Variants in SMIM27 observed in about 807,000 individuals in gnomAD.
SMIM27 encodes the protein transition zone microprotein 1.
A neutral mutation model predicts 1.8 loss-of-function variants in SMIM27; 3 were observed. The ratio of observed to expected loss-of-function variants is 1.65; its 90% CI spans 0.75 to 4.28. The LOEUF (loss-of-function observed/expected upper bound fraction) is 4.28. Among genes scored for constraint, SMIM27 ranks in the 30% most tolerant of loss-of-function variants. SMIM27 has a pLI of 0.02. For synonymous variants in SMIM27, 19 were observed against 13.9 expected (o/e 1.37, Z -0.82); for missense variants, 63 against 37.0 (o/e 1.70, Z -1.83).
Position 32,558,254 on chromosome 9 carries a change from G to A in SMIM27, c.45+5775G>A, listed in dbSNP as rs562766040. Among the ~76,000 whole-genome samples, 3 of 152,052 alleles carry A rather than the reference G, an allele frequency of 2.0e-5. No individual in the cohort carries two copies. The South Asian group carries it at 6.3e-4, about 32-fold the overall frequency. On this transcript the variant is annotated intron_variant, in intron 1 of 1. Coordinates refer to the SMIM27 transcript ENST00000451672. ...AGCCTCTCGAGTAGCTGGGACTACA[G>A]GCGCCCGCCACCACGCCCAGCTAAT...
chr9:32,561,468 C>G (rs1428999241), intron 1 of SMIM27, among the ~76,000 whole-genome samples: 1 of 152,052 alleles, frequency 6.6e-6, no homozygotes, highest in Non-Finnish European at 1.5e-5. Context: ...GCTGGGATTA[C>G]AGGCACATGC....
downstream of SMIM27, among the ~76,000 whole-genome samples, chr9:32,554,265 T>C (rs10971022): frequency 0.2 from 29,813 of 152,098 alleles, 3,212 homozygotes; most frequent in Non-Finnish European, 0.25. Context: ...CAGAAAGAAG[T>C]TGCAAGGAAA....
intron 1 of SMIM27, among the ~76,000 whole-genome samples, chr9:32,559,242 C>A (rs560108197): frequency 1.3e-4 from 20 of 152,286 alleles, no homozygotes; most frequent in Admixed American, 1.2e-3. Context: ...GAAACCTTGA[C>A]TCCTCAGCAG....
At chr9:32,564,830 T>C (rs1822129306) in intron 1 of SMIM27, among the ~76,000 whole-genome samples, 2 of 152,254 alleles carry the variant, frequency 1.3e-5, no homozygotes, top group South Asian at 4.1e-4. Context: ...TCATAAAAGC[T>C]TGAAACTACA....
chr9:32,551,308 G>A (rs575028262), upstream of SMIM27: 5 of 471,072 alleles, frequency 1.1e-5, no homozygotes, highest in African/African-American at 5.9e-5. Context: ...GGAAACTTAG[G>A]AAATTATCTT....
At chr9:32,552,210 C>T (rs1821292506), upstream of SMIM27, 7 of 521,926 alleles carry the variant, frequency 1.3e-5, no homozygotes, top group Non-Finnish European at 2.4e-5. Flanking sequence ...TTAACATTTT[C>T]TCGTTTATTC....
upstream of SMIM27, chr9:32,551,644 C>A: frequency 3.7e-6 from 1 of 270,030 alleles, no homozygotes; most frequent in Non-Finnish European, 8.0e-6. Context: ...CCAGATTCTA[C>A]TCCTCAGGCC....
In SMIM27 at chr9:32,566,322, T is replaced by C; in HGVS notation, c.46-69T>C. 5 of 1,174,372 alleles carry C rather than the reference T, an allele frequency of 4.3e-6. No individual in the cohort carries two copies. In the South Asian group the frequency reaches 4.9e-5, roughly 11 times the overall value. 72.7% of individuals were successfully genotyped at this position (1,174,372 alleles called of 1,614,324 possible). ...ATATTCCCAGTCCACTTCTCTTCCA[T>C]CTTGTTCTTTAACTGCTTCCACCAG... On this transcript the variant is annotated intron_variant, in intron 1 of 1. Transcript: ENST00000451672.
At chr9:32,566,372 T>C (rs568924593) in intron 1 of SMIM27, 1 of 1,143,210 alleles carries the variant, frequency 8.7e-7, no homozygotes, top group Non-Finnish European at 1.3e-6. Context: ...TGCGTTTTTG[T>C]TTCCACTATG....
chr9:32,558,117 A>ATTTTTTT lies in SMIM27; in HGVS notation c.45+5644_45+5650dup, dbSNP rs74178816. ...TATAGCTCACACATTCATAGTATAC[A>ATTTTTTT]TTTTTTTTTTTTGAGACGGAGTCTC... On this transcript the variant is annotated intron_variant, in intron 1 of 1. Transcript: ENST00000451672. Among the ~76,000 whole-genome samples the ATTTTTTT allele has an allele frequency of 6.7e-5, 9 of 135,252 alleles. 3 individuals carry two copies. The highest frequency in any genetic ancestry group is 2.1e-4 in the East Asian group (1 of 4,842). 88.7% of individuals were successfully genotyped at this position (135,252 alleles called of 152,430 possible). A position where few individuals can be genotyped will look rare whatever the true frequency, so the allele number is the denominator to read the frequency against.
chr9:32,552,213 GT>G, upstream of SMIM27: 1 of 600,828 alleles, frequency 1.7e-6, no homozygotes, highest in Non-Finnish European at 2.9e-6. Flanking sequence ...ACATTTTCTC[GT>G]TTATTCCCCT....
intron 1 of SMIM27, among the ~76,000 whole-genome samples, chr9:32,561,640 C>T (rs182594902): frequency 4.2e-4 from 64 of 152,242 alleles, no homozygotes; most frequent in Admixed American, 4.0e-3. Context: ...AAAATATTCA[C>T]TTCTATCCCA....
chr9:32,566,842 A>T (rs1821807146), exon 2 of SMIM27: 4 of 861,744 alleles, frequency 4.6e-6, no homozygotes, highest in Non-Finnish European at 7.5e-6. Context: ...CTCATCACAC[A>T]GTAGCTGCCG....
upstream of SMIM27, chr9:32,551,215 G>T: frequency 1.7e-6 from 1 of 599,038 alleles, no homozygotes; most frequent in Non-Finnish European, 3.0e-6. Context: ...AGCCACTGGG[G>T]ACACTGACTG....
At chr9:32,564,393 TAGA>T (rs1214228702) in intron 1 of SMIM27, among the ~76,000 whole-genome samples, 1 of 152,202 alleles carries the variant, frequency 6.6e-6, no homozygotes, top group Non-Finnish European at 1.5e-5. Flanking sequence ...TTCTTATAAA[TAGA>T]AGGTTTTAGC....
downstream of SMIM27, among the ~76,000 whole-genome samples, chr9:32,556,090 CG>C (rs11340718): frequency 0.58 from 88,258 of 151,944 alleles, 26,039 homozygotes; most frequent in Middle Eastern, 0.69. Flanking sequence ...GATTTGGGGC[CG>C]GGGTGCAATG....
At chr9:32,552,744 G>A in intron 1 of SMIM27, 57 bp from the exon 2 acceptor site, 1 of 682,272 alleles carries the variant, frequency 1.5e-6, no homozygotes, top group East Asian at 2.7e-5. Flanking sequence ...GTAACCTGAC[G>A]GGGGCGAGGG....
chr9:32,552,489 G>C lies in SMIM27; in HGVS notation c.45+10G>C, dbSNP rs748192940. 1.3e-6 allele frequency: 2 copies of C among 1,580,996 alleles called. No homozygotes were observed. The highest frequency in any genetic ancestry group is 1.8e-5 in the Admixed American group (1 of 55,204). ...CTGGATTTATTCAGTGGTAAGTCCC[G>C]GGGATCGCGGGCCCCCACCGTGTCG... On this transcript the variant is annotated intron_variant, in intron 1 of 1. Transcript: ENST00000692500.
chr9:32,565,974 A>C (rs1461344193), intron 1 of SMIM27, among the ~76,000 whole-genome samples: 1 of 152,184 alleles, frequency 6.6e-6, no homozygotes, highest in Non-Finnish European at 1.5e-5. Flanking sequence ...CTCCACCTAC[A>C]AAAAACAAAC....
Sources: gnomAD v4.1 joint callset for allele counts (sites outside exome capture counted in the v4.1 genomes callset) on GRCh38, gnomAD v4.1.1 for gene constraint, MANE v1.5 for transcripts, NCBI Gene and HGNC (gene_info 2026-07-23, HGNC 2026-07-21) for gene names.